The following FARS2 variants were observed in gnomAD, a reference collection of about 807,000 sequenced individuals.
FARS2 encodes phenylalanyl-tRNA synthetase 2, mitochondrial.
FARS2 carries 40 observed loss-of-function variants against 46.4 expected under a neutral mutation model. That is an observed-to-expected ratio of 0.86 (90% CI 0.67 to 1.12). The LOEUF (loss-of-function observed/expected upper bound fraction) is 1.12. Ranked by LOEUF, FARS2 falls within the 50% of genes most tolerant of loss-of-function variation. FARS2 has a pLI of 0.00. For missense variants in FARS2, 513 were observed against 567.9 expected, an observed-to-expected ratio of 0.90 and a Z score of 0.98; for synonymous variants, 234 against 214.9, an observed-to-expected ratio of 1.09 and a Z score of -0.78.
chr6:5,355,986 G>C (rs2127615822), intron 1 of FARS2, among the ~76,000 whole-genome samples: 1 of 152,304 alleles, frequency 6.6e-6, no homozygotes, highest in African/African-American at 2.4e-5. Flanking sequence ...GTGCACAACA[G>C]GGGGAATAAA....
intron 6 of FARS2, among the ~76,000 whole-genome samples, chr6:5,705,617 C>G (rs1169062943): frequency 2.0e-5 from 3 of 152,232 alleles, no homozygotes; most frequent in African/African-American, 4.8e-5. Context: ...CCCACTGAAA[C>G]CCAGGGGCCT....
chr6:5,393,445 A>T (rs1283084230), intron 2 of FARS2, among the ~76,000 whole-genome samples: 1 of 152,026 alleles, frequency 6.6e-6, no homozygotes, highest in Non-Finnish European at 1.5e-5. Context: ...TCGCGAGGTC[A>T]AGAGATCGAG....
upstream of FARS2, chr6:5,260,619 C>G: frequency 1.3e-6 from 2 of 1,501,018 alleles, no homozygotes; most frequent in Non-Finnish European, 1.8e-6. Context: ...TGGCCCCCCG[C>G]CCCCGGCCCC....
intron 4 of FARS2, among the ~76,000 whole-genome samples, chr6:5,521,912 A>G (rs1280437259): frequency 6.6e-6 from 1 of 152,220 alleles, no homozygotes; most frequent in Admixed American, 6.5e-5. Context: ...TGAAAAGTAT[A>G]TAATTAGTGA....
chr6:5,723,390 A>G (rs946748322), intron 6 of FARS2, among the ~76,000 whole-genome samples: 8 of 150,830 alleles, frequency 5.3e-5, no homozygotes, highest in Admixed American at 1.3e-4. Flanking sequence ...TGCTGGATTC[A>G]AAACTCGGCT....
chr6:5,459,103 A>G (rs1203336528), intron 4 of FARS2, among the ~76,000 whole-genome samples: 4 of 152,240 alleles, frequency 2.6e-5, no homozygotes, highest in African/African-American at 7.2e-5. Context: ...ACACTGGTCC[A>G]TGTGGCCAGC....
intron 5 of FARS2, chr6:5,610,100 A>C: frequency 5.0e-6 from 5 of 1,001,446 alleles, no homozygotes; most frequent in Non-Finnish European, 7.9e-6. Flanking sequence ...ATTGCTCAGA[A>C]TGGCTCCTCA....
intron 4 of FARS2, among the ~76,000 whole-genome samples, chr6:5,435,163 G>C (rs1318662546): frequency 6.6e-6 from 1 of 152,158 alleles, no homozygotes; most frequent in African/African-American, 2.4e-5. Flanking sequence ...TCCCCAAATA[G>C]TAAATTGCAT....
intron 6 of FARS2, among the ~76,000 whole-genome samples, chr6:5,628,023 C>A (rs61427934): frequency 0.12 from 17,696 of 151,802 alleles, 3,012 homozygotes; most frequent in African/African-American, 0.37. Context: ...AAAAAGGAAA[C>A]AAAAAGAGAA....
intron 5 of FARS2, among the ~76,000 whole-genome samples, chr6:5,580,214 C>T (rs1460841832): frequency 3.5e-5 from 5 of 143,416 alleles, no homozygotes; most frequent in Non-Finnish European, 7.5e-5. Context: ...GGCGTGAACC[C>T]GAGAGATGGA....
intron 6 of FARS2, among the ~76,000 whole-genome samples, chr6:5,734,442 A>T (rs1230419011): frequency 6.6e-6 from 1 of 152,110 alleles, no homozygotes. Context: ...GGGTGTCAGG[A>T]GGGGCCATGC....
intron 4 of FARS2, among the ~76,000 whole-genome samples, chr6:5,461,397 C>T (rs1308106671): frequency 1.3e-5 from 2 of 152,262 alleles, no homozygotes; most frequent in Admixed American, 6.5e-5. Flanking sequence ...TGGGACTTAA[C>T]ATTTTTTTAA....
chr6:5,346,112 C>T (rs545884426), intron 1 of FARS2, among the ~76,000 whole-genome samples: 27 of 152,302 alleles, frequency 1.8e-4, no homozygotes, highest in South Asian at 1.7e-3. Flanking sequence ...AGTCTCTTCC[C>T]TCGCAGGACC....
chr6:5,674,844 G>A (rs1176026059), intron 6 of FARS2, among the ~76,000 whole-genome samples: 2 of 152,086 alleles, frequency 1.3e-5, no homozygotes, highest in Admixed American at 6.5e-5. Flanking sequence ...TACTTGGAGG[G>A]ATTTTTTAAA....
chr6:5,498,715 C>T (rs757805800), intron 4 of FARS2, among the ~76,000 whole-genome samples: 2 of 152,174 alleles, frequency 1.3e-5, no homozygotes, highest in Non-Finnish European at 2.9e-5. Flanking sequence ...TTACCACCAG[C>T]ATTTAGTCAC....
At chr6:5,429,079 C>A (rs777979905) in intron 3 of FARS2, among the ~76,000 whole-genome samples, 1 of 151,910 alleles carries the variant, frequency 6.6e-6, no homozygotes, top group African/African-American at 2.4e-5. Context: ...TGTGGGGGGT[C>A]AGGAGAAGAG....
intron 1 of FARS2, among the ~76,000 whole-genome samples, chr6:5,280,283 A>C (rs1223867256): frequency 2.0e-5 from 3 of 152,256 alleles, no homozygotes; most frequent in African/African-American, 7.2e-5. Context: ...GCTAGTTAAA[A>C]TTCACAGTAA....
intron 4 of FARS2, chr6:5,457,942 G>A (rs1305115573): frequency 2.0e-5 from 3 of 152,226 alleles, no homozygotes; most frequent in African/African-American, 4.8e-5. Flanking sequence ...TTGCTGAAAA[G>A]CCTCCTGAAG....
At chr6:5,378,899 CA>C (rs1235670541) in intron 2 of FARS2, among the ~76,000 whole-genome samples, 1 of 152,204 alleles carries the variant, frequency 6.6e-6, no homozygotes, top group Non-Finnish European at 1.5e-5. Context: ...GGAAATACCC[CA>C]TTATTGGAGG....
Sources: allele counts gnomAD v4.1 joint callset (sites outside exome capture counted in the v4.1 genomes callset), GRCh38; gene constraint gnomAD v4.1.1; transcripts MANE v1.5; gene names NCBI Gene and HGNC (gene_info 2026-07-23, HGNC 2026-07-21).